Variants in UBE2V2 observed in about 807,000 individuals in gnomAD.
UBE2V2 encodes ubiquitin-conjugating enzyme E2 variant 2.
In UBE2V2, 9 loss-of-function variants were observed where a neutral mutation model predicts 17.2. That is an observed-to-expected ratio of 0.52 (90% confidence interval 0.32 to 0.91). The LOEUF (loss-of-function observed/expected upper bound fraction) is 0.91. Ranked by LOEUF, UBE2V2 falls within the 40% of genes least tolerant of loss-of-function variation. UBE2V2 has a pLI of 0.04. For missense variants in UBE2V2, 133 were observed against 182.6 expected (o/e 0.73, Z 1.56); for synonymous variants, 61 against 57.5 (o/e 1.06, Z -0.28).
intron 1 of UBE2V2, among the ~76,000 whole-genome samples, chr8:48,022,439 A>G (rs1443360327): frequency 6.6e-6 from 1 of 152,056 alleles, no homozygotes. Flanking sequence ...CCCAGCCTGC[A>G]TCTTTTTATA....
intron 2 of UBE2V2, chr8:48,043,458 G>A (rs150449063): frequency 1.0e-3 from 233 of 228,212 alleles, no homozygotes; most frequent in African/African-American, 4.9e-3. Context: ...AAATATGACA[G>A]AGCAAGTTCA....
At chr8:48,004,601 A>G (rs2091171961), upstream of UBE2V2, among the ~76,000 whole-genome samples, 1 of 146,888 alleles carries the variant, frequency 6.8e-6, no homozygotes, top group Admixed American at 7.1e-5. Flanking sequence ...GTGTGATCTC[A>G]GCTCACTGCA....
upstream of UBE2V2, among the ~76,000 whole-genome samples, chr8:48,007,684 G>C (rs2091193512): frequency 6.6e-6 from 1 of 150,666 alleles, no homozygotes; most frequent in Admixed American, 6.6e-5. Flanking sequence ...CAAAGTGTTA[G>C]GATTACAGAA....
intron 3 of UBE2V2, among the ~76,000 whole-genome samples, chr8:48,056,747 A>G (rs1025231051): frequency 2.0e-5 from 3 of 152,030 alleles, no homozygotes; most frequent in African/African-American, 7.2e-5. Context: ...TTTTTGAGAC[A>G]GAGTCTTGCT....
chr8:48,009,251 C>G (rs1307262608), intron 1 of UBE2V2, among the ~76,000 whole-genome samples: 1 of 150,072 alleles, frequency 6.7e-6, no homozygotes, highest in African/African-American at 2.4e-5. Flanking sequence ...TGTGATCTGC[C>G]TTTTTCTTTT....
chr8:48,035,631 T>TTTTG lies in UBE2V2; in HGVS notation c.17-7401_17-7400insTTGT, dbSNP rs1554657539. Among the ~76,000 whole-genome samples the TTTTG allele has an allele frequency of 8.9e-3, 977 of 109,470 alleles. 9 individuals carry two copies. Among genetic ancestry groups the TTTTG allele is most frequent in the East Asian group, 0.037 (122 of 3,298 alleles). The allele number at this position is 109,470 out of a possible 152,430, so 71.8% of individuals were successfully genotyped here. A position where few individuals can be genotyped will look rare whatever the true frequency, so the allele number is the denominator to read the frequency against. On this transcript the variant is annotated intron_variant, in intron 1 of 3. Transcript: ENST00000523111. ...TTTAAAAATTATTGTTTTTTTTTTT[T>TTTTG]TGTGTGTGTGTGTGTGTGTGTGTGT...
chr8:48,045,793 A>G (rs1263249358), intron 2 of UBE2V2, among the ~76,000 whole-genome samples: 1 of 152,194 alleles, frequency 6.6e-6, no homozygotes, highest in Non-Finnish European at 1.5e-5. Flanking sequence ...TCTTGAAGGC[A>G]GGTCACAGCA....
intron 1 of UBE2V2, among the ~76,000 whole-genome samples, chr8:48,028,601 GT>G (rs2091362120): frequency 1.3e-5 from 2 of 152,118 alleles, no homozygotes; most frequent in African/African-American, 4.8e-5. Flanking sequence ...GCCTCCCAAA[GT>G]GCTGGAATTA....
At chr8:48,045,671 C>A (rs948175692) in intron 2 of UBE2V2, among the ~76,000 whole-genome samples, 1 of 152,134 alleles carries the variant, frequency 6.6e-6, no homozygotes, top group Non-Finnish European at 1.5e-5. Flanking sequence ...CCCTCACTTC[C>A]TTTGAGTGCC....
At chr8:48,027,559 G>A (rs976917735) in intron 1 of UBE2V2, among the ~76,000 whole-genome samples, 1 of 152,136 alleles carries the variant, frequency 6.6e-6, no homozygotes, top group African/African-American at 2.4e-5. Context: ...GAATGTAGTG[G>A]TGCAGTCTTG....
At chr8:48,054,427 A>G (rs2091559273) in intron 3 of UBE2V2, among the ~76,000 whole-genome samples, 1 of 152,140 alleles carries the variant, frequency 6.6e-6, no homozygotes, top group South Asian at 2.1e-4. Context: ...GTCAATCTGG[A>G]ATGGGGACTG....
chr8:48,006,468 T>C (rs574933060), upstream of UBE2V2, among the ~76,000 whole-genome samples: 1 of 152,244 alleles, frequency 6.6e-6, no homozygotes, highest in African/African-American at 2.4e-5. Context: ...TCCAGCTTTG[T>C]TCCTTTTGCT....
the UBE2V2 span, among the ~76,000 whole-genome samples, chr8:47,998,133 G>C: frequency 6.6e-6 from 1 of 151,946 alleles, no homozygotes; most frequent in African/African-American, 2.4e-5. Flanking sequence ...TGCCATTTTC[G>C]GACCATTGGG....
At chr8:48,012,042 T>A (rs1248852526) in intron 1 of UBE2V2, among the ~76,000 whole-genome samples, 1 of 152,236 alleles carries the variant, frequency 6.6e-6, no homozygotes, top group Non-Finnish European at 1.5e-5. Context: ...AGTAAAAGGC[T>A]ATACATAGGT....
chr8:48,006,420 C>T (rs185519159), upstream of UBE2V2, among the ~76,000 whole-genome samples: 5 of 152,160 alleles, frequency 3.3e-5, no homozygotes, highest in Admixed American at 6.6e-5. Flanking sequence ...ACTGTAGCCT[C>T]GCAGTATAGT....
intron 3 of UBE2V2, among the ~76,000 whole-genome samples, chr8:48,060,094 T>A (rs1802569627): frequency 6.7e-6 from 1 of 150,182 alleles, no homozygotes; most frequent in Non-Finnish European, 1.5e-5. Flanking sequence ...TAATCCCAGC[T>A]ACTTGGGAGG....
chr8:48,022,937 A>T (rs748211726), intron 1 of UBE2V2, among the ~76,000 whole-genome samples: 3 of 149,530 alleles, frequency 2.0e-5, no homozygotes, highest in Non-Finnish European at 4.5e-5. Flanking sequence ...AGCCCCTGCG[A>T]GCGCTTTAAA....
chr8:48,019,549 G>T (rs1278515704), intron 1 of UBE2V2, among the ~76,000 whole-genome samples: 1 of 151,414 alleles, frequency 6.6e-6, no homozygotes, highest in Non-Finnish European at 1.5e-5. Context: ...GGGCATGGTG[G>T]CTCATGCCTG....
chr8:48,001,682 C>A, the UBE2V2 span, among the ~76,000 whole-genome samples: 1 of 152,144 alleles, frequency 6.6e-6, no homozygotes, highest in Non-Finnish European at 1.5e-5. Flanking sequence ...GAAAAAACAA[C>A]CCACAGAATG....
Sources: allele counts gnomAD v4.1 joint callset (sites outside exome capture counted in the v4.1 genomes callset), GRCh38; gene constraint gnomAD v4.1.1; transcripts MANE v1.5; gene names NCBI Gene and HGNC (gene_info 2026-07-23, HGNC 2026-07-21).